FRG1: variants seen among roughly 807,000 people sequenced by gnomAD.
FRG1 encodes FSHD region gene 1.
Under a neutral mutation model 37.0 loss-of-function variants are expected in FRG1, and 19 were observed. The observed-to-expected ratio is 0.51, with a 90% CI of 0.36 to 0.75. FRG1 has a LOEUF of 0.75. FRG1 is among the 30% of genes least tolerant of loss of function. The pLI is 0.00. For synonymous variants in FRG1, 73 were observed against 96.5 expected, an observed-to-expected ratio of 0.76 and a Z score of 1.43; for missense variants, 243 against 301.4, an observed-to-expected ratio of 0.81 and a Z score of 1.44.
At chr4:189,961,010 G>C in intron 7 of FRG1, 171 bp downstream of exon 7, 1 of 627,490 alleles carries the variant, frequency 1.6e-6, no homozygotes. Context: ...CAAGGCTGCA[G>C]TGAGCTCTGA....
At chr4:189,960,244 A>G (rs1737171384) in intron 6 of FRG1, among the ~76,000 whole-genome samples, 1 of 152,220 alleles carries the variant, frequency 6.6e-6, no homozygotes, top group African/African-American at 2.4e-5. Flanking sequence ...GTAAACATCT[A>G]TCCAAACTTA....
Position 189,960,813 on chromosome 4 carries a change from T to C in FRG1, c.603T>C (p.Asn201=). 6.2e-7 allele frequency: 1 copy of C among 1,608,678 alleles called. No individual in the cohort carries two copies. The highest frequency in any genetic ancestry group is 8.5e-7 in the Non-Finnish European group (1 of 1,178,854). Residue 201 remains asparagine (N), a synonymous_variant, in exon 7 of 9, where the codon AAT becomes AAC. Coordinates refer to ENST00000226798, the MANE Select transcript of FRG1 (RefSeq NM_004477.3). ...KDDIPEEDKG[N]VKQCEINYVK... is the part of the protein sequence containing the mutation. ...ACATTCCAGAAGAAGACAAAGGAAA[T>C]GTAAAACAATGTGAAATCAATTATG...
In FRG1 at chr4:189,940,945, T is replaced by C; in HGVS notation, c.-65T>C. 7.5e-7 allele frequency: 1 copy of C among 1,333,128 alleles called. No homozygotes were observed. Among genetic ancestry groups the C allele is most frequent in the Non-Finnish European group, 1.1e-6 (1 of 932,536 alleles). The allele number at this position is 1,333,128 out of a possible 1,614,324, so 82.6% of individuals were successfully genotyped here. A position where few individuals can be genotyped will look rare whatever the true frequency, so the allele number is the denominator to read the frequency against. ...CTTCTGTTTCTCCGCGCCCCTGTGC[T>C]GCCCCGACTCACATACTCGTCCAGA... On this transcript the variant is annotated 5_prime_UTR_variant, in exon 1 of 9. Coordinates refer to ENST00000226798, the MANE Select transcript of FRG1 (RefSeq NM_004477.3).
chr4:189,948,320 G>C (rs1355728870), intron 2 of FRG1, among the ~76,000 whole-genome samples: 1 of 152,172 alleles, frequency 6.6e-6, no homozygotes, highest in Admixed American at 6.5e-5. Flanking sequence ...AAACGAGCAT[G>C]TCTGTAGGCA....
At chr4:189,943,961 T>A (rs1465700462) in intron 2 of FRG1, among the ~76,000 whole-genome samples, 2 of 152,096 alleles carry the variant, frequency 1.3e-5, no homozygotes, top group African/African-American at 4.8e-5. Flanking sequence ...ATATCTAGGG[T>A]AGATATGTAG....
At chr4:189,947,025 T>A (rs112370150) in intron 2 of FRG1, among the ~76,000 whole-genome samples, 3 of 152,262 alleles carry the variant, frequency 2.0e-5, no homozygotes, top group East Asian at 1.9e-4. Context: ...GCTAATTTTT[T>A]AAATATTTTT....
intron 6 of FRG1, 32 bp downstream of exon 6, chr4:189,957,534 T>G: frequency 5.0e-6 from 8 of 1,605,292 alleles, no homozygotes; most frequent in Non-Finnish European, 6.8e-6. Context: ...GATGACTGCA[T>G]TCACACATGC....
intron 2 of FRG1, among the ~76,000 whole-genome samples, chr4:189,949,561 C>T (rs202066115): frequency 6.6e-6 from 1 of 152,000 alleles, no homozygotes; most frequent in East Asian, 1.9e-4. Flanking sequence ...TCTTCATTTG[C>T]AAAACATTAA....
intron 1 of FRG1, 68 bp downstream of exon 1, chr4:189,941,139 G>C (rs1210574811): frequency 3.6e-6 from 5 of 1,376,148 alleles, no homozygotes; most frequent in South Asian, 2.4e-5. Flanking sequence ...CCGCAACTCC[G>C]GTGGAAGCCG....
intron 1 of FRG1, among the ~76,000 whole-genome samples, chr4:189,942,565 C>A (rs528765055): frequency 2.0e-5 from 3 of 152,280 alleles, no homozygotes; most frequent in African/African-American, 7.2e-5. Flanking sequence ...GCATAGTATT[C>A]CATTGTATGG....
intron 6 of FRG1, among the ~76,000 whole-genome samples, chr4:189,959,269 T>TA (rs1162035428): frequency 6.6e-6 from 1 of 152,216 alleles, no homozygotes; most frequent in Non-Finnish European, 1.5e-5. Flanking sequence ...AGGGAAATGT[T>TA]ATATTTTTTC....
rs770142089 is a variant in FRG1 at position 189,963,169 on chromosome 4, T to C, written c.*40T>C. 22 of 1,562,316 alleles carry C rather than the reference T, an allele frequency of 1.4e-5. No homozygotes were observed. In the East Asian group the frequency reaches 3.4e-4, roughly 24 times the overall value. ...TCTGCCTTATCTTTCTGTGTTTTTT[T>C]CTGAATAAAATATTCAGAGGAAATG... On this transcript the variant is annotated 3_prime_UTR_variant, in exon 9 of 9. Coordinates refer to ENST00000226798, the MANE Select transcript of FRG1 (RefSeq NM_004477.3).
At chr4:189,947,925 T>C (rs1395815136) in intron 2 of FRG1, among the ~76,000 whole-genome samples, 1 of 152,232 alleles carries the variant, frequency 6.6e-6, no homozygotes, top group African/African-American at 2.4e-5. Flanking sequence ...CAAGTGTGTA[T>C]GAGATTTGCC....
In FRG1 at chr4:189,955,032, T is replaced by G. The variant is rs185504958; in HGVS notation, c.318-5T>G. The G allele has an allele frequency of 1.3e-6, 2 of 1,567,672 alleles. No individual in the cohort carries two copies. Among genetic ancestry groups the G allele is most frequent in the African/African-American group, 2.7e-5 (2 of 74,094 alleles). ...TTAACTTTTATCTATGTTATTAATG[T>G]ACAGAATCGCCCTGAAGTCTGGCTA... On this transcript the variant is annotated splice_polypyrimidine_tract_variant and splice_region_variant and intron_variant, in intron 4 of 8. Coordinates refer to ENST00000226798, the MANE Select transcript of FRG1 (RefSeq NM_004477.3).
intron 6 of FRG1, among the ~76,000 whole-genome samples, chr4:189,958,033 T>C (rs889203216): frequency 6.6e-6 from 1 of 152,042 alleles, no homozygotes; most frequent in Non-Finnish European, 1.5e-5. Flanking sequence ...CTCTATAGTC[T>C]AGACTTCAAT....
Position 189,957,479 on chromosome 4 carries a change from G to A in FRG1, c.514G>A (p.Ala172Thr), listed in dbSNP as rs1225593186. ...AGDIEAKSKT[A>T]GEEEMIKIRS... ...GGACATAGAAGCAAAAAGTAAAACA[G>A]CAGGAGAAGAAGAAATGATCAAGGT... The change falls in exon 6 of 9, where the codon GCA (alanine) becomes ACA (threonine). Residue 172 changes from alanine (A) to threonine (T), a missense_variant. This residue lies in a region of FRG1 where 133 missense variants were observed against 199.3 expected (regional missense o/e 0.67). Coordinates refer to ENST00000226798, the MANE Select transcript of FRG1 (RefSeq NM_004477.3). The A allele has an allele frequency of 6.2e-7, 1 of 1,612,306 alleles. No individual in the cohort carries two copies. Among genetic ancestry groups the A allele is most frequent in the South Asian group, 1.1e-5 (1 of 90,910 alleles).
At chr4:189,946,304 G>C (rs942730102) in intron 2 of FRG1, among the ~76,000 whole-genome samples, 2 of 114,234 alleles carry the variant, frequency 1.8e-5, no homozygotes, top group Non-Finnish European at 3.6e-5. Flanking sequence ...ACGATAAGCT[G>C]ATAAGCCAAA....
rs113667405 is a variant in FRG1 at position 189,941,211 on chromosome 4, C to T, written c.62+140C>T. 4 of 756,912 alleles carry T rather than the reference C, an allele frequency of 5.3e-6. No homozygotes were observed. The African/African-American group carries it at 5.4e-5, about 10-fold the overall frequency. The allele number at this position is 756,912 out of a possible 1,614,324, so 46.9% of individuals were successfully genotyped here. The stretch of plus-strand genomic sequence containing the variant: ...CGCCCTGGCCCCTGTCCGGGCTGGA[C>T]GGAGGCCGGGCCGCGGTTCCCGGCG... On this transcript the variant is annotated intron_variant, in intron 1 of 8. Transcript: ENST00000226798.
At position 189,943,239 on chromosome 4, in the gene FRG1, G is replaced by C. The variant is rs1736394980; in HGVS notation, c.100G>C (p.Glu34Gln). 4 of 1,608,090 alleles carry C rather than the reference G, an allele frequency of 2.5e-6. No individual in the cohort carries two copies. The change falls in exon 2 of 9, where the codon GAA (glutamate) becomes CAA (glutamine). Residue 34 changes from glutamate (E) to glutamine (Q), a missense_variant. Physicochemically the swap from Glu to Gln is conservative, Grantham distance 29. Transcript: ENST00000226798. The stretch of plus-strand genomic sequence containing the variant: ...GAGCAAAGATAAGAAAAGAAAAAGA[G>C]AAGAAGATGAAGAAACCCAGCTTGA... ...KKSKDKKRKR[E>Q]EDEETQLDIV...
Sources: gnomAD v4.1 joint callset for allele counts (sites outside exome capture counted in the v4.1 genomes callset) on GRCh38, gnomAD v4.1.1 for gene constraint, gnomAD v4.1.1 regional missense constraint, MANE v1.5 for transcripts, NCBI Gene and HGNC (gene_info 2026-07-23, HGNC 2026-07-21) for gene names.